SLFN12: variants seen among roughly 807,000 people sequenced by gnomAD.
SLFN12 encodes ribonuclease SLFN12.
SLFN12 carries 25 observed loss-of-function variants against 29.1 expected under a neutral mutation model. The observed-to-expected ratio is 0.86, with a 90% CI of 0.63 to 1.20. SLFN12 has a LOEUF of 1.20. Ranked by LOEUF, SLFN12 falls within the 50% of genes most tolerant of loss-of-function variation. The pLI is 0.00. For missense variants in SLFN12, 660 were observed against 666.2 expected, an observed-to-expected ratio of 0.99 and a Z score of 0.10; for synonymous variants, 257 against 238.7, an observed-to-expected ratio of 1.08 and a Z score of -0.71.
Position 35,423,049 on chromosome 17 carries a change from G to A in SLFN12, c.-21C>T. The stretch of plus-strand genomic sequence containing the variant: ...TTCATTTTCCCAGCAGCTATGCAGT[G>A]TCCAAGCAGAAATTCTTTTCTGTAA... On this transcript the variant is annotated 5_prime_UTR_variant, in exon 2 of 4. Transcript: ENST00000304905. 1 of 1,574,898 alleles carries A rather than the reference G, an allele frequency of 6.3e-7. No homozygotes were observed.
In SLFN12 at chr17:35,414,964, A is replaced by T. The variant is rs147642205; in HGVS notation, c.1148-3037T>A. Among the ~76,000 whole-genome samples the T allele has an allele frequency of 9.8e-3, 1,486 of 152,196 alleles. 22 individuals carry two copies. Among genetic ancestry groups the T allele is most frequent in the African/African-American group, 0.034 (1,417 of 41,564 alleles). ...GACAAAAGCAATCTACATCAATGCA[A>T]TTCCCATCAAAATACCATCATCATT... On this transcript the variant is annotated intron_variant, in intron 3 of 3. Coordinates refer to ENST00000304905, the MANE Select transcript of SLFN12 (RefSeq NM_018042.5).
chr17:35,414,296 A>C (rs1250626088), intron 3 of SLFN12, among the ~76,000 whole-genome samples: 2 of 152,114 alleles, frequency 1.3e-5, no homozygotes, highest in South Asian at 4.1e-4. Flanking sequence ...GAATACAAAA[A>C]TCAGTAGCAT....
chr17:35,417,787 A>C (rs145854786), intron 3 of SLFN12, among the ~76,000 whole-genome samples: 231 of 152,262 alleles, frequency 1.5e-3, no homozygotes, highest in African/African-American at 5.2e-3. Flanking sequence ...GGCCTTATAT[A>C]AACTCAGTAT....
At position 35,411,929 on chromosome 17, in the gene SLFN12, T is replaced by C. The variant is rs757901646; in HGVS notation, c.1148-2A>G. 2 of 1,546,384 alleles carry C rather than the reference T, an allele frequency of 1.3e-6. No individual in the cohort carries two copies. The highest frequency in any genetic ancestry group is 2.3e-5 in the East Asian group (1 of 44,322). On this transcript the variant is annotated splice_acceptor_variant, in intron 3 of 3. Coordinates refer to ENST00000304905, the MANE Select transcript of SLFN12 (RefSeq NM_018042.5). LOFTEE classifies it high-confidence loss of function. ...TATACGTTATCCTTCCTGATAGCCC[T>C]GAATAAGGAAATAATAATAATAAAT...
chr17:35,427,325 T>C (rs1912071402), intron 1 of SLFN12, among the ~76,000 whole-genome samples: 1 of 152,192 alleles, frequency 6.6e-6, no homozygotes, highest in Non-Finnish European at 1.5e-5. Context: ...GATGTTTCCA[T>C]GGAGAAACAG....
chr17:35,430,982 T>C (rs1912285525), intron 1 of SLFN12, among the ~76,000 whole-genome samples: 1 of 152,160 alleles, frequency 6.6e-6, no homozygotes, highest in African/African-American at 2.4e-5. Context: ...TCCTATGGGT[T>C]CTAGGTTGTG....
Position 35,422,373 on chromosome 17 carries a change from T to G in SLFN12, c.656A>C (p.Lys219Thr). 1.2e-6 allele frequency: 2 copies of G among 1,614,004 alleles called. No homozygotes were observed. The change falls in exon 2 of 4, where the codon AAA becomes ACA. Residue 219 changes from lysine to threonine, a missense_variant. Lys to Thr is a moderately conservative substitution (Grantham distance 78). Transcript: ENST00000304905. ...FSTEKLLQRI[K>T]EILPQYVSAF... is the part of the protein sequence containing the mutation. ...AGAAACATATTGAGGGAGAATCTCT[T>G]TAATTCGTTGTAACAACTTTTCTGT... is the stretch of plus-strand genomic sequence containing the variant.
chr17:35,422,226 A>ATGGACT lies in SLFN12; in HGVS notation c.797_802dup (p.Lys266_Ser267dup), dbSNP rs1911706126. On this transcript the variant is annotated inframe_insertion, in exon 2 of 4. Transcript: ENST00000304905. ...GAAGTGATGCACAGGCATCTTCCTA[A>ATGGACT]TGGACTTTTCGATTTCTCTTTCTAA... 3 of 1,614,030 alleles carry ATGGACT rather than the reference A, an allele frequency of 1.9e-6. No individual in the cohort carries two copies. The highest frequency in any genetic ancestry group is 1.3e-5 in the African/African-American group (1 of 74,948).
At chr17:35,427,166 C>A (rs1260367474) in intron 1 of SLFN12, among the ~76,000 whole-genome samples, 1 of 152,156 alleles carries the variant, frequency 6.6e-6, no homozygotes, top group Non-Finnish European at 1.5e-5. Context: ...AAGACTAAGA[C>A]CTTGCCATGC....
chr17:35,411,462 A>G lies in SLFN12; in HGVS notation c.1613T>C (p.Leu538Ser). 6.2e-7 allele frequency: 1 copy of G among 1,613,908 alleles called. No individual in the cohort carries two copies. Among genetic ancestry groups the G allele is most frequent in the South Asian group, 1.1e-5 (1 of 91,082 alleles). ...GTCTCTCAGAGACTTGAGTCTCTTT[A>G]AGGCTTTAAAAAGGGCTTTCAGCAA... ...KYLLKALFKA[L>S]KRLKSLRDQF... The change falls in exon 4 of 4, where the codon TTA becomes TCA. Residue 538 changes from leucine to serine, a missense_variant. Leu to Ser is a moderately radical substitution (Grantham distance 145). Coordinates refer to ENST00000304905, the MANE Select transcript of SLFN12 (RefSeq NM_018042.5).
chr17:35,420,036 C>G (rs1911531862), intron 3 of SLFN12, among the ~76,000 whole-genome samples: 1 of 152,078 alleles, frequency 6.6e-6, no homozygotes. Context: ...TTTGTTTAAA[C>G]TAAACTGACT....
Position 35,411,088 on chromosome 17 carries a change from T to G in SLFN12, c.*250A>C. ...TCCCAGTTCAAGCATGGAAGAAAAT[T>G]TATTCAGGAACTACAGACAGAGTAA... On this transcript the variant is annotated 3_prime_UTR_variant, in exon 4 of 4. Coordinates refer to ENST00000304905, the MANE Select transcript of SLFN12 (RefSeq NM_018042.5). The G allele has an allele frequency of 3.9e-6, 1 of 259,084 alleles. No homozygotes were observed. The highest frequency in any genetic ancestry group is 7.3e-6 in the Non-Finnish European group (1 of 137,876). 16.0% of individuals were successfully genotyped at this position (259,084 alleles called of 1,614,324 possible).
intron 2 of SLFN12, among the ~76,000 whole-genome samples, chr17:35,421,209 A>AAAAT (rs71152711): frequency 0.1 from 13,956 of 140,180 alleles, 819 homozygotes; most frequent in Non-Finnish European, 0.11. Flanking sequence ...ACTCCGTCTC[A>AAAAT]AAATAAATAA....
chr17:35,416,140 G>A (rs1166674544), intron 3 of SLFN12, among the ~76,000 whole-genome samples: 1 of 152,230 alleles, frequency 6.6e-6, no homozygotes, highest in Non-Finnish European at 1.5e-5. Context: ...TAAAGAAAAT[G>A]TGGTATATAT....
intron 1 of SLFN12, among the ~76,000 whole-genome samples, chr17:35,423,662 A>C (rs1911835638): frequency 6.6e-6 from 1 of 152,144 alleles, no homozygotes; most frequent in South Asian, 2.1e-4. Flanking sequence ...TAATATCCAC[A>C]TATTTTCAAT....
At chr17:35,430,220 C>A (rs923000866) in intron 1 of SLFN12, among the ~76,000 whole-genome samples, 1 of 151,994 alleles carries the variant, frequency 6.6e-6, no homozygotes, top group Admixed American at 6.6e-5. Flanking sequence ...TGGAGGGTGT[C>A]CTGCTCACTG....
chr17:35,424,540 G>C (rs760144109), intron 1 of SLFN12, among the ~76,000 whole-genome samples: 13 of 152,046 alleles, frequency 8.6e-5, no homozygotes, highest in African/African-American at 1.4e-4. Flanking sequence ...TAGGTTTTCC[G>C]AGTGGCATAG....
chr17:35,418,342 T>C (rs1175960774), intron 3 of SLFN12, among the ~76,000 whole-genome samples: 1 of 152,136 alleles, frequency 6.6e-6, no homozygotes, highest in Non-Finnish European at 1.5e-5. Context: ...GCCAAGATCT[T>C]CTTCCACCTC....
At chr17:35,416,182 A>C (rs973158266) in intron 3 of SLFN12, among the ~76,000 whole-genome samples, 3 of 152,168 alleles carry the variant, frequency 2.0e-5, no homozygotes, top group Non-Finnish European at 4.4e-5. Context: ...CATAAAAAGG[A>C]ATGAAATAAT....
Sources: allele counts gnomAD v4.1 joint callset (sites outside exome capture counted in the v4.1 genomes callset), GRCh38; gene constraint gnomAD v4.1.1; transcripts MANE v1.5; gene names NCBI Gene and HGNC (gene_info 2026-07-23, HGNC 2026-07-21).